ZBTB25: variants seen among roughly 807,000 people sequenced by gnomAD.
The protein encoded by ZBTB25 is zinc finger and BTB domain containing 25.
In ZBTB25, 20 loss-of-function variants were observed where a neutral mutation model predicts 34.2. That is an observed-to-expected ratio of 0.58 (90% CI 0.41 to 0.85). The LOEUF is 0.85. Ranked by LOEUF, ZBTB25 falls within the 40% of genes least tolerant of loss-of-function variation. The probability of loss-of-function intolerance (pLI) is 0.00; values close to 1 mark genes in which losing one functional copy is unlikely to be tolerated. For synonymous variants in ZBTB25, 175 were observed against 186.4 expected (o/e 0.94, Z 0.50); for missense variants, 437 against 521.8 (o/e 0.84, Z 1.58).
At position 64,480,536 on chromosome 14, in the gene ZBTB25, C is replaced by G. The variant is rs558955804; in HGVS notation, c.*6387G>C. The G allele has an allele frequency of 4.1e-4, 96 of 235,622 alleles. 1 individual carries two copies. The highest frequency in any genetic ancestry group is 2.1e-3 in the African/African-American group (89 of 42,596). 14.6% of individuals were successfully genotyped at this position (235,622 alleles called of 1,614,324 possible). ...TGTTACCCAGTACAAAGACTACTTG[C>G]CTCAACACTAGGAACACAACATTTG... On this transcript the variant is annotated 3_prime_UTR_variant, in exon 3 of 3. Transcript: ENST00000608382.
chr14:64,469,331 C>T (rs920611748), intron 2 of ZBTB25: 1 of 1,613,398 alleles, frequency 6.2e-7, no homozygotes, highest in African/African-American at 1.3e-5. Flanking sequence ...TGAATTGAGC[C>T]AAGAATCAGA....
At chr14:64,465,272 G>A (rs1368959944) in intron 2 of ZBTB25, among the ~76,000 whole-genome samples, 8 of 151,036 alleles carry the variant, frequency 5.3e-5, no homozygotes, top group African/African-American at 2.0e-4. Flanking sequence ...TCCCCGCCTC[G>A]GCGCTGATGT....
rs74058127 is a variant in ZBTB25, at chr14:64,459,683, G to C, written c.174-10045C>G. ...AGCTTTGGCAATGTGAGTGGGTAATGGTGCAGTATGGAAGGAACAGGAAAC... is the reference window on the plus strand; with the variant it reads ...AGCTTTGGCAATGTGAGTGGGTAATCGTGCAGTATGGAAGGAACAGGAAAC... On this transcript the variant is annotated intron_variant, in intron 2 of 2. Coordinates refer to the ZBTB25 transcript ENST00000555220. 11,338 of 1,251,486 alleles carry C rather than the reference G, an allele frequency of 9.1e-3. 770 individuals carry two copies. The African/African-American group carries it at 0.15, about 17-fold the overall frequency. 77.5% of individuals were successfully genotyped at this position (1,251,486 alleles called of 1,614,324 possible).
chr14:64,470,694 G>A (rs144453086), intron 2 of ZBTB25: 3,864 of 165,508 alleles, frequency 0.023, 61 homozygotes, highest in Middle Eastern at 0.052. Flanking sequence ...TTTTTCCCCC[G>A]CTTTTCTTTC....
rs534391083 is a variant in ZBTB25 at position 64,502,677 on chromosome 14, G to A, written c.-8+984C>T. 7.6e-5 allele frequency: 75 copies of A among 985,504 alleles called. No individual in the cohort carries two copies. The African/African-American group carries it at 1.2e-3, about 16-fold the overall frequency. 61.0% of individuals were successfully genotyped at this position (985,504 alleles called of 1,614,324 possible). A position where few individuals can be genotyped will look rare whatever the true frequency, so the allele number is the denominator to read the frequency against. ...CCTCCGCCGGATACATTCTCTACAG[G>A]TGAGTGGGGTAAACTGGCACTGCGG... On this transcript the variant is annotated intron_variant, in intron 1 of 2. Coordinates refer to ENST00000608382, the MANE Select transcript of ZBTB25 (RefSeq NM_006977.5).
At chr14:64,475,387 C>T (rs542075289), downstream of ZBTB25, among the ~76,000 whole-genome samples, 5 of 151,716 alleles carry the variant, frequency 3.3e-5, no homozygotes, top group Non-Finnish European at 7.4e-5. Flanking sequence ...TGCAGTGAGC[C>T]GACATCATGC....
intron 2 of ZBTB25, chr14:64,454,989 T>C (rs572549119): frequency 1.0e-5 from 11 of 1,101,190 alleles, no homozygotes; most frequent in South Asian, 8.8e-5. Flanking sequence ...CAGAAGAAAA[T>C]TGGAATCGGG....
At chr14:64,500,307 G>C (rs891746937) in intron 1 of ZBTB25, among the ~76,000 whole-genome samples, 1 of 151,624 alleles carries the variant, frequency 6.6e-6, no homozygotes, top group Admixed American at 6.6e-5. Flanking sequence ...TACTCAAGTG[G>C]GCTAATAAAA....
intron 2 of ZBTB25, chr14:64,468,596 G>A: frequency 6.2e-7 from 1 of 1,613,908 alleles, no homozygotes; most frequent in Non-Finnish European, 8.5e-7. Context: ...AGAAGCAGGA[G>A]CTTCTGATCA....
chr14:64,469,736 T>G (rs1027513119), intron 2 of ZBTB25: 1 of 1,242,212 alleles, frequency 8.1e-7, no homozygotes, highest in Non-Finnish European at 1.1e-6. Context: ...CTTTTATACA[T>G]TTGTGGCATT....
Position 64,503,529 on chromosome 14 carries a change from A to G in ZBTB25, c.-8+132T>C, listed in dbSNP as rs917635421. 7 of 985,806 alleles carry G rather than the reference A, an allele frequency of 7.1e-6. No homozygotes were observed. The African/African-American group carries it at 1.0e-4, about 15-fold the overall frequency. The allele number at this position is 985,806 out of a possible 1,614,324, so 61.1% of individuals were successfully genotyped here. A position where few individuals can be genotyped will look rare whatever the true frequency, so the allele number is the denominator to read the frequency against. ...CCCTGCCTGACATCTCAATCGGACC[A>G]AAAACACCCCTCTCCCCAGCTACTT... On this transcript the variant is annotated intron_variant, in intron 1 of 2. Coordinates refer to ENST00000608382, the MANE Select transcript of ZBTB25 (RefSeq NM_006977.5).
rs1158514358 is a variant in ZBTB25 at position 64,485,046 on chromosome 14, C to G, written c.*1877G>C. ...TCAGTCTTAACCATAGGAGCCTTTA[C>G]TCACTTGTTTAAGGCAGAAACTCAA... On this transcript the variant is annotated 3_prime_UTR_variant, in exon 3 of 3. Transcript: ENST00000608382. 2.0e-6 allele frequency: 2 copies of G among 985,354 alleles called. No individual in the cohort carries two copies. The highest frequency in any genetic ancestry group is 3.5e-5 in the African/African-American group (2 of 57,258). The allele number at this position is 985,354 out of a possible 1,614,324, so 61.0% of individuals were successfully genotyped here.
chr14:64,449,865 T>C (rs958653602), intron 2 of ZBTB25, among the ~76,000 whole-genome samples: 2 of 152,264 alleles, frequency 1.3e-5, no homozygotes, highest in Non-Finnish European at 2.9e-5. Context: ...CTCAGCTCAC[T>C]GCAACCTCTG....
rs546031368 is a variant in ZBTB25, at chr14:64,450,158, G to T, written c.174-520C>A. Among the ~76,000 whole-genome samples, 30 of 152,306 alleles carry T rather than the reference G, an allele frequency of 2.0e-4. 1 individual carries two copies. The highest frequency in any genetic ancestry group is 1.0e-3 in the South Asian group (5 of 4,826). ...GGGATTTAAGCAGGAATACCCCAGG[G>T]TGGAGGGGGAACCGTTGCTCATATC... On this transcript the variant is annotated intron_variant, in intron 2 of 2. Coordinates refer to the ZBTB25 transcript ENST00000555220.
rs904304908 is a variant in ZBTB25, at chr14:64,485,205, C to A, written c.*1718G>T. 5 of 985,316 alleles carry A rather than the reference C, an allele frequency of 5.1e-6. No individual in the cohort carries two copies. The African/African-American group carries it at 8.7e-5, about 17-fold the overall frequency. The allele number at this position is 985,316 out of a possible 1,614,324, so 61.0% of individuals were successfully genotyped here. A position where few individuals can be genotyped will look rare whatever the true frequency, so the allele number is the denominator to read the frequency against. Reference sequence around the variant, plus strand: ...AATTAGCTGGATTACTCTTTGAGCTCCCTCCTGATTGGACGCTGATGCTGT... The same window carrying A: ...AATTAGCTGGATTACTCTTTGAGCTACCTCCTGATTGGACGCTGATGCTGT... On this transcript the variant is annotated 3_prime_UTR_variant, in exon 3 of 3. Transcript: ENST00000608382.
At chr14:64,469,227 A>G (rs759301449) in intron 2 of ZBTB25, 4 of 1,614,070 alleles carry the variant, frequency 2.5e-6, no homozygotes, top group Non-Finnish European at 3.4e-6. Flanking sequence ...CAAATTGTGG[A>G]AGAAGCCAGT....
chr14:64,494,809 C>T (rs1025464453), intron 1 of ZBTB25, among the ~76,000 whole-genome samples: 1 of 152,140 alleles, frequency 6.6e-6, no homozygotes, highest in Non-Finnish European at 1.5e-5. Flanking sequence ...CTGAAGTTTA[C>T]AGAGAACTTT....
At chr14:64,472,234 T>A (rs1158246782) in intron 2 of ZBTB25, 2 of 167,140 alleles carry the variant, frequency 1.2e-5, no homozygotes, top group Non-Finnish European at 2.9e-5. Flanking sequence ...TGAACCATTT[T>A]AAAAACCTGA....
chr14:64,469,711 G>T, intron 2 of ZBTB25: 1 of 1,427,830 alleles, frequency 7.0e-7, no homozygotes, highest in South Asian at 1.4e-5. Context: ...GAAAAAACAA[G>T]CTTAATGAAG....
Sources: gnomAD v4.1 joint callset for allele counts (sites outside exome capture counted in the v4.1 genomes callset) on GRCh38, gnomAD v4.1.1 for gene constraint, MANE v1.5 for transcripts, NCBI Gene and HGNC (gene_info 2026-07-23, HGNC 2026-07-21) for gene names.